ANK2: variants seen among roughly 807,000 people sequenced by gnomAD.
ANK2 encodes the protein ankyrin 2.
ANK2 carries 83 observed loss-of-function variants against 360.5 expected under a neutral mutation model. The observed-to-expected ratio is 0.23, with a 90% CI of 0.19 to 0.28. The LOEUF is 0.28. Among genes scored for constraint, ANK2 ranks in the 10% least tolerant of loss-of-function variants. The pLI, the probability that ANK2 is intolerant of heterozygous loss-of-function variation, is 1.00. For synonymous variants in ANK2, 1,740 were observed against 1,759.5 expected (o/e 0.99, Z 0.28); for missense variants, 4,201 against 4,795.7 (o/e 0.88, Z 3.66).
the ANK2 span, among the ~76,000 whole-genome samples, chr4:112,794,859 A>G: frequency 6.6e-6 from 1 of 152,210 alleles, no homozygotes; most frequent in Non-Finnish European, 1.5e-5. Context: ...GGAGGCAGTG[A>G]CAGAAATGGA....
At chr4:112,797,706 C>G in the ANK2 span, 1 of 176,106 alleles carries the variant, frequency 5.7e-6, no homozygotes, top group Admixed American at 5.5e-5. Flanking sequence ...GAAGTAAAGT[C>G]TCTTGGAGGT....
chr4:113,317,361 T>A, intron 24 of ANK2: 2 of 347,694 alleles, frequency 5.8e-6, no homozygotes, highest in South Asian at 5.3e-5. Flanking sequence ...ATTTAAGCAA[T>A]CTATCCTGGA....
chr4:113,037,267 A>G (rs547084945), intron 2 of ANK2, among the ~76,000 whole-genome samples: 1 of 152,108 alleles, frequency 6.6e-6, no homozygotes, highest in South Asian at 2.1e-4. Context: ...TTGTAAATCA[A>G]TGGACATAAC....
chr4:113,157,586 T>G (rs2097349639), intron 1 of ANK2, among the ~76,000 whole-genome samples: 1 of 152,218 alleles, frequency 6.6e-6, no homozygotes, highest in Non-Finnish European at 1.5e-5. Context: ...CAATGCCACA[T>G]GGTTCAAACT....
rs1255349708 is a variant in ANK2, at chr4:112,958,039, T to C, written c.21+53525T>C. ...GCTCCTCACTTCCTAGATGGGTTGG[T>C]GGCCGGGAAGAGGCGCTCCTCACTT... On this transcript the variant is annotated intron_variant, in intron 2 of 30. Transcript: ENST00000503271. Among the ~76,000 whole-genome samples the C allele has an allele frequency of 2.8e-3, 411 of 145,138 alleles. 1 individual carries two copies. Among genetic ancestry groups the C allele is most frequent in the Middle Eastern group, 3.9e-3 (1 of 258 alleles).
rs2153633817 is a variant in ANK2 at position 113,258,099 on chromosome 4, T to A, written c.1238T>A (p.Val413Asp). Residue 413 changes from valine (V) to aspartate (D), a missense_variant, in exon 12 of 46, where the codon GTC (valine) becomes GAC (aspartate). By Grantham distance (152) the Val-to-Asp change is radical. Transcript: ENST00000357077. Reference protein sequence around the residue: ...HIACKKNRIKVMELLVKYGAS... With the variant: ...HIACKKNRIKDMELLVKYGAS... ...GCCTGCAAGAAAAACCGCATCAAAG[T>A]CATGGAACTGCTGGTGAAATATGGG... is the stretch of plus-strand genomic sequence containing the variant. 2 of 1,614,204 alleles carry A rather than the reference T, an allele frequency of 1.2e-6. No individual in the cohort carries two copies. Among genetic ancestry groups the A allele is most frequent in the Non-Finnish European group, 1.7e-6 (2 of 1,180,008 alleles).
chr4:113,068,428 T>C (rs190252923), intron 1 of ANK2, among the ~76,000 whole-genome samples: 2 of 152,204 alleles, frequency 1.3e-5, no homozygotes, highest in African/African-American at 4.8e-5. Context: ...GTGAATGTCA[T>C]ACAAACTCAC....
At chr4:112,822,648 A>G (rs2057448726) in intron 1 of ANK2, among the ~76,000 whole-genome samples, 1 of 151,232 alleles carries the variant, frequency 6.6e-6, no homozygotes. Context: ...AGGAGGGGTG[A>G]GGTAGGAGGA....
intron 2 of ANK2, among the ~76,000 whole-genome samples, chr4:112,918,564 A>T (rs1390484488): frequency 1.3e-5 from 2 of 152,146 alleles, no homozygotes; most frequent in East Asian, 3.8e-4. Context: ...TTGTTGTCTG[A>T]GTGAATATTA....
chr4:113,264,808 G>A, intron 13 of ANK2, 89 bp from the exon 14 acceptor site: 1 of 1,270,462 alleles, frequency 7.9e-7, no homozygotes, highest in Non-Finnish European at 1.1e-6. Flanking sequence ...TGGATATATT[G>A]CTGAATTTCA....
chr4:113,199,169 T>C (rs997154531), intron 4 of ANK2, 60 bp downstream of exon 4: 11 of 1,349,808 alleles, frequency 8.1e-6, no homozygotes, highest in East Asian at 4.6e-5. Flanking sequence ...TTTTGTGAAA[T>C]TGATTTAATG....
Position 113,199,306 on chromosome 4 carries a change from C to T in ANK2, c.384+197C>T, listed in dbSNP as rs547842031. Among the ~76,000 whole-genome samples the T allele has an allele frequency of 2.0e-5, 3 of 152,174 alleles. No individual in the cohort carries two copies. The South Asian group carries it at 6.2e-4, about 32-fold the overall frequency. On this transcript the variant is annotated intron_variant, in intron 4 of 45. Transcript: ENST00000357077. ...ACATATAATCTCCCTTTTAATGTAA[C>T]TTAACACTGGAAAAATGTAAGTCTA...
chr4:113,143,110 G>A (rs1310702999), intron 1 of ANK2, among the ~76,000 whole-genome samples: 2 of 152,076 alleles, frequency 1.3e-5, no homozygotes, highest in Admixed American at 6.6e-5. Context: ...TCACAAACAT[G>A]TAATACTAGT....
intron 1 of ANK2, among the ~76,000 whole-genome samples, chr4:113,052,120 A>G (rs944615915): frequency 3.3e-5 from 5 of 152,210 alleles, no homozygotes; most frequent in Non-Finnish European, 5.9e-5. Flanking sequence ...TTAGGTCTTT[A>G]TATTATTGTT....
At chr4:113,328,125 G>A (rs946249318) in intron 26 of ANK2, among the ~76,000 whole-genome samples, 1 of 152,154 alleles carries the variant, frequency 6.6e-6, no homozygotes, top group Non-Finnish European at 1.5e-5. Flanking sequence ...CACAACATGA[G>A]CGTGGAAACT....
rs141783414 is a variant in ANK2, at chr4:112,911,477, C to T, written c.21+6963C>T. Among the ~76,000 whole-genome samples, 1,095 of 151,890 alleles carry T rather than the reference C, an allele frequency of 7.2e-3. 10 individuals carry two copies. Among genetic ancestry groups the T allele is most frequent in the African/African-American group, 0.025 (1,026 of 41,480 alleles). ...GGCGGAGCGTGCAGTGAGCGGAGAT[C>T]GAACCACTGCACTCCAGCCTGGGCA... On this transcript the variant is annotated intron_variant, in intron 2 of 30. Transcript: ENST00000503271.
intron 2 of ANK2, among the ~76,000 whole-genome samples, chr4:113,189,569 C>T (rs2098615741): frequency 6.6e-6 from 1 of 152,264 alleles, no homozygotes; most frequent in South Asian, 2.1e-4. Flanking sequence ...AACTCTGTAT[C>T]ATGTTTTATC....
At position 113,054,322 on chromosome 4, in the gene ANK2, T is replaced by TACAC. The variant is rs34708446; in HGVS notation, c.84+4526_84+4529dup. 5.5e-3 allele frequency among the ~76,000 whole-genome samples: 819 copies of TACAC among 149,734 alleles called. 7 individuals carry two copies. Among genetic ancestry groups the TACAC allele is most frequent in the Middle Eastern group, 0.017 (5 of 290 alleles). On this transcript the variant is annotated intron_variant, in intron 1 of 45. Transcript: ENST00000357077. ...TAAGCATTGCAAAATATTTTGAAGG[T>TACAC]ACACACACACACACACACATATTTA...
At chr4:113,075,943 T>C (rs2079755880) in intron 1 of ANK2, among the ~76,000 whole-genome samples, 1 of 152,196 alleles carries the variant, frequency 6.6e-6, no homozygotes, top group Non-Finnish European at 1.5e-5. Flanking sequence ...CAGTGGATGT[T>C]GCTCAAAATA....
Sources: gnomAD v4.1 joint callset for allele counts (sites outside exome capture counted in the v4.1 genomes callset) on GRCh38, gnomAD v4.1.1 for gene constraint, MANE v1.5 for transcripts, NCBI Gene and HGNC (gene_info 2026-07-23, HGNC 2026-07-21) for gene names.